The following MTR variants were observed in gnomAD, a reference collection of about 807,000 sequenced individuals.
MTR encodes the protein 5-methyltetrahydrofolate-homocysteine methyltransferase, also known as methionine synthase.
Under a neutral mutation model 154.8 loss-of-function variants are expected in MTR, and 84 were observed. That is an observed-to-expected ratio of 0.54 (90% CI 0.45 to 0.65). MTR has a LOEUF of 0.65. Ranked by LOEUF, MTR falls within the 30% of genes least tolerant of loss-of-function variation. The pLI is 0.00. For missense variants in MTR, 1,275 were observed against 1,570.2 expected, an observed-to-expected ratio of 0.81 and a Z score of 3.18; for synonymous variants, 554 against 553.9, an observed-to-expected ratio of 1.00 and a Z score of 0.00.
At chr1:236,883,837 C>A (rs1460355394) in intron 25 of MTR, among the ~76,000 whole-genome samples, 1 of 152,156 alleles carries the variant, frequency 6.6e-6, no homozygotes, top group Non-Finnish European at 1.5e-5. Context: ...CTGGTAGGCA[C>A]TTTAGCCGTC....
At chr1:236,814,306 A>C (rs1156369593) in intron 6 of MTR, among the ~76,000 whole-genome samples, 2 of 152,196 alleles carry the variant, frequency 1.3e-5, no homozygotes, top group African/African-American at 2.4e-5. Context: ...GTAACAAGAT[A>C]AGGAATATAT....
Position 236,826,195 on chromosome 1 carries a change from A to G in MTR, c.928-634A>G, listed in dbSNP as rs112375663. On this transcript the variant is annotated intron_variant, in intron 10 of 32. Transcript: ENST00000366577. Reference sequence around the variant, plus strand: ...ATGTAAATTTAAAAATCAATACTCTATTTTGTGTTATTTGAAAATGTGTTA... The same window carrying G: ...ATGTAAATTTAAAAATCAATACTCTGTTTTGTGTTATTTGAAAATGTGTTA... Among the ~76,000 whole-genome samples the G allele has an allele frequency of 5.4e-3, 819 of 152,266 alleles. 10 individuals carry two copies. The highest frequency in any genetic ancestry group is 0.019 in the African/African-American group (795 of 41,548).
At chr1:236,873,474 A>T (rs543724677) in intron 22 of MTR, among the ~76,000 whole-genome samples, 1 of 152,316 alleles carries the variant, frequency 6.6e-6, no homozygotes, top group African/African-American at 2.4e-5. Context: ...CACCACAATT[A>T]AAAAAATAAC....
rs563439515 is a variant in MTR, at chr1:236,894,199, C to CCCCAGACA, written c.3205-157_3205-156insCCAGACAC. 4.5e-4 allele frequency: 318 copies of CCCCAGACA among 701,326 alleles called. 6 individuals carry two copies. In the East Asian group the frequency reaches 8.1e-3, roughly 18 times the overall value. The allele number at this position is 701,326 out of a possible 1,614,324, so 43.4% of individuals were successfully genotyped here. ...TACTCACTATGTGTCAGACACAATT[C>CCCCAGACA]CAAGTACTGGGGATGTAACAGTGCA... On this transcript the variant is annotated intron_variant, in intron 29 of 32. Transcript: ENST00000366577.
intron 11 of MTR, among the ~76,000 whole-genome samples, chr1:236,827,239 C>T (rs568033119): frequency 2.6e-5 from 4 of 152,110 alleles, no homozygotes; most frequent in South Asian, 2.1e-4. Context: ...CTAACCCTGC[C>T]TGACGCCTTC....
In MTR at chr1:236,901,607, A is replaced by G. The variant is rs1666919779; in HGVS notation, c.*3963A>G. The G allele has an allele frequency of 6.6e-6, 1 of 152,160 alleles. No homozygotes were observed. The highest frequency in any genetic ancestry group is 6.5e-5 in the Admixed American group (1 of 15,286). 9.4% of individuals were successfully genotyped at this position (152,160 alleles called of 1,614,324 possible). A position where few individuals can be genotyped will look rare whatever the true frequency, so the allele number is the denominator to read the frequency against. The stretch of plus-strand genomic sequence containing the variant: ...TATAGAGAACAGATGTTTATTTCTT[A>G]CAGTTCAGGAGTCTGGAAGTCCAAG... On this transcript the variant is annotated 3_prime_UTR_variant, in exon 33 of 33. Transcript: ENST00000366577.
intron 18 of MTR, among the ~76,000 whole-genome samples, chr1:236,855,309 T>A (rs1297925223): frequency 3.3e-5 from 5 of 152,200 alleles, no homozygotes; most frequent in African/African-American, 1.2e-4. Context: ...ATCTCACATT[T>A]GGGGAGGAAT....
At chr1:236,855,838 T>C (rs1664173750) in intron 18 of MTR, among the ~76,000 whole-genome samples, 1 of 152,214 alleles carries the variant, frequency 6.6e-6, no homozygotes, top group Non-Finnish European at 1.5e-5. Context: ...TCTTCCTTAG[T>C]ATGTGAAAAC....
At chr1:236,883,394 G>A (rs897513645) in intron 25 of MTR, among the ~76,000 whole-genome samples, 10 of 152,168 alleles carry the variant, frequency 6.6e-5, no homozygotes, top group Admixed American at 6.5e-4. Context: ...TCATGGGGCT[G>A]TGCAAGGTGC....
At chr1:236,874,143 C>G (rs1394138208) in intron 23 of MTR, among the ~76,000 whole-genome samples, 1 of 152,190 alleles carries the variant, frequency 6.6e-6, no homozygotes, top group Admixed American at 6.5e-5. Flanking sequence ...TCCGGGAAAT[C>G]ATGAGCTAAA....
rs1210637182 is a variant in MTR at position 236,903,506 on chromosome 1, A to G, written c.*5862A>G. 6.6e-6 allele frequency: 1 copy of G among 152,196 alleles called. No homozygotes were observed. The highest frequency in any genetic ancestry group is 1.5e-5 in the Non-Finnish European group (1 of 68,038). The allele number at this position is 152,196 out of a possible 1,614,324, so 9.4% of individuals were successfully genotyped here. Reference sequence around the variant, plus strand: ...TCATCCCTTGCTTTTAAGTATTATTATAGACTTTTGGAGACTCACGAAACA... The same window carrying G: ...TCATCCCTTGCTTTTAAGTATTATTGTAGACTTTTGGAGACTCACGAAACA... On this transcript the variant is annotated 3_prime_UTR_variant, in exon 33 of 33. Transcript: ENST00000366577.
At chr1:236,882,513 C>CA (rs35252833) in intron 25 of MTR, among the ~76,000 whole-genome samples, 53,594 of 151,872 alleles carry the variant, frequency 0.35, 10,250 homozygotes, top group East Asian at 0.44. Context: ...GCCTCAGCCT[C>CA]ACAAGTAGCT....
chr1:236,838,911 T>G (rs756451594), intron 15 of MTR, among the ~76,000 whole-genome samples: 1 of 152,210 alleles, frequency 6.6e-6, no homozygotes, highest in Non-Finnish European at 1.5e-5. Context: ...ATATAGTGTG[T>G]TGTTTCTATG....
Position 236,868,002 on chromosome 1 carries a change from G to A in MTR, c.2405+4448G>A, listed in dbSNP as rs113333635. On this transcript the variant is annotated intron_variant, in intron 22 of 32. Coordinates refer to ENST00000366577, the MANE Select transcript of MTR (RefSeq NM_000254.3). Reference sequence around the variant, plus strand: ...ACGTAAACTTAGGTGATAAAGCAGGGGCAAGGTTTGAGATGATTGGCCTAC... The same window carrying A: ...ACGTAAACTTAGGTGATAAAGCAGGAGCAAGGTTTGAGATGATTGGCCTAC... Among the ~76,000 whole-genome samples, 716 of 152,268 alleles carry A rather than the reference G, an allele frequency of 4.7e-3. 11 individuals carry two copies. The highest frequency in any genetic ancestry group is 0.017 in the African/African-American group (692 of 41,556).
At chr1:236,852,785 A>G in intron 17 of MTR, 148 bp downstream of exon 17, 2 of 1,091,030 alleles carry the variant, frequency 1.8e-6, no homozygotes, top group Non-Finnish European at 2.8e-6. Context: ...ATTCATTTGT[A>G]TCTTGTCTGT....
rs577524555 is a variant in MTR, at chr1:236,876,666, A to G, written c.2594+1820A>G. Among the ~76,000 whole-genome samples, 637 of 152,220 alleles carry G rather than the reference A, an allele frequency of 4.2e-3. 9 individuals are homozygous for G. The highest frequency in any genetic ancestry group is 0.015 in the African/African-American group (615 of 41,530). ...TTCTTGTGCAAATTGGAACTTTACC[A>G]AATAGTCCATTCTATCATTTACTAT... On this transcript the variant is annotated intron_variant, in intron 24 of 32. Transcript: ENST00000366577.
intron 8 of MTR, among the ~76,000 whole-genome samples, chr1:236,816,805 T>C (rs974962222): frequency 6.6e-6 from 1 of 152,228 alleles, no homozygotes; most frequent in Non-Finnish European, 1.5e-5. Context: ...CCTTATAGTT[T>C]GCAGTGCTTT....
At chr1:236,843,738 G>A (rs1364319997) in intron 15 of MTR, among the ~76,000 whole-genome samples, 1 of 152,204 alleles carries the variant, frequency 6.6e-6, no homozygotes, top group East Asian at 1.9e-4. Context: ...TTGGGTATAG[G>A]TTGTGAAAGA....
rs545144501 is a variant in MTR at position 236,882,453 on chromosome 1, C to T, written c.2676+1617C>T. ...TTGCCCAGGCTGAGGTGCAGTGGCT[C>T]GATCTCGGCTTACTGCAACCTACGC... On this transcript the variant is annotated intron_variant, in intron 25 of 32. Coordinates refer to ENST00000366577, the MANE Select transcript of MTR (RefSeq NM_000254.3). Among the ~76,000 whole-genome samples, 4 of 150,574 alleles carry T rather than the reference C, an allele frequency of 2.7e-5. No individual in the cohort carries two copies. The East Asian group carries it at 5.9e-4, about 22-fold the overall frequency.
Sources: gnomAD v4.1 joint callset for allele counts (sites outside exome capture counted in the v4.1 genomes callset) on GRCh38, gnomAD v4.1.1 for gene constraint, MANE v1.5 for transcripts, NCBI Gene and HGNC (gene_info 2026-07-23, HGNC 2026-07-21) for gene names.